FAM184A: variants seen among roughly 807,000 people sequenced by gnomAD.
FAM184A encodes protein FAM184A.
A neutral mutation model predicts 143.8 loss-of-function variants in FAM184A; 99 were observed. The ratio of observed to expected loss-of-function variants is 0.69; its 90% confidence interval spans 0.58 to 0.81. The LOEUF is 0.81. Among genes scored for constraint, FAM184A ranks in the 40% least tolerant of loss-of-function variants. The pLI is 0.00. For missense variants in FAM184A, 1,217 were observed against 1,310.5 expected (o/e 0.93, Z 1.10); for synonymous variants, 427 against 446.4 (o/e 0.96, Z 0.55).
Position 119,026,366 on chromosome 6 carries a change from C to G in FAM184A, c.160-1553G>C, listed in dbSNP as rs191534644. 9.3e-4 allele frequency among the ~76,000 whole-genome samples: 142 copies of G among 152,208 alleles called. 3 individuals are homozygous for G. In the East Asian group the frequency reaches 0.026, roughly 28 times the overall value. ...TTACTCATAAAGGTAGCTTATAAGC[C>G]AAGAAAGCTGACTGACTTCCTATTC... On this transcript the variant is annotated intron_variant, in intron 1 of 17. Coordinates refer to ENST00000338891, the MANE Select transcript of FAM184A (RefSeq NM_024581.6).
chr6:119,092,618 A>G (rs1788400858), intron 1 of FAM184A, among the ~76,000 whole-genome samples: 2 of 152,138 alleles, frequency 1.3e-5, no homozygotes, highest in East Asian at 3.9e-4. Context: ...CAGATCCTGT[A>G]TCTAACAGCC....
chr6:118,993,310 G>A (rs898759201), intron 9 of FAM184A, among the ~76,000 whole-genome samples: 1 of 152,194 alleles, frequency 6.6e-6, no homozygotes, highest in Non-Finnish European at 1.5e-5. Context: ...GTTGAGATAA[G>A]TGAGGAAGAA....
intron 1 of FAM184A, among the ~76,000 whole-genome samples, chr6:119,030,569 T>C (rs1241034092): frequency 2.0e-5 from 3 of 152,014 alleles, no homozygotes. Flanking sequence ...AGCAGCACCA[T>C]TGATATAAGA....
chr6:119,000,131 A>T (rs1430778802), intron 9 of FAM184A, among the ~76,000 whole-genome samples: 1 of 152,190 alleles, frequency 6.6e-6, no homozygotes, highest in Non-Finnish European at 1.5e-5. Flanking sequence ...TTTCAGTCCA[A>T]TGCTTTAAGG....
At chr6:118,989,446 G>T (rs1005016886) in intron 9 of FAM184A, among the ~76,000 whole-genome samples, 2 of 118,638 alleles carry the variant, frequency 1.7e-5, no homozygotes, top group East Asian at 3.9e-4. Context: ...TTTTCAGAAA[G>T]AATGCAATTT....
At chr6:119,117,624 A>G (rs1789094423) in intron 1 of FAM184A, among the ~76,000 whole-genome samples, 1 of 152,194 alleles carries the variant, frequency 6.6e-6, no homozygotes, top group African/African-American at 2.4e-5. Context: ...TTCACGGTTT[A>G]TGAAGTACTT....
chr6:118,974,742 A>T (rs904477587), intron 13 of FAM184A, among the ~76,000 whole-genome samples, 168 bp from the exon 14 acceptor site: 1 of 152,204 alleles, frequency 6.6e-6, no homozygotes, highest in Non-Finnish European at 1.5e-5. Context: ...TGGCTTTGTT[A>T]AAGTTGTCTC....
intron 1 of FAM184A, among the ~76,000 whole-genome samples, chr6:119,127,141 G>A (rs1789389739): frequency 6.6e-6 from 1 of 152,210 alleles, no homozygotes; most frequent in African/African-American, 2.4e-5. Flanking sequence ...TTTGGGCTGT[G>A]GTTCCAGGCT....
At chr6:119,009,037 G>C (rs1277897286) in intron 6 of FAM184A, among the ~76,000 whole-genome samples, 3 of 152,118 alleles carry the variant, frequency 2.0e-5, no homozygotes, top group African/African-American at 7.2e-5. Flanking sequence ...TACCTGAAAT[G>C]GAATTCTGGC....
intron 1 of FAM184A, among the ~76,000 whole-genome samples, chr6:119,036,477 GA>G (rs1786118705): frequency 6.6e-6 from 1 of 151,982 alleles, no homozygotes; most frequent in South Asian, 2.1e-4. Flanking sequence ...TTATTGCTGG[GA>G]AATCTTTTGG....
rs115858136 is a variant in FAM184A at position 118,964,637 on chromosome 6, T to A, written c.3138+30A>T. On this transcript the variant is annotated intron_variant, in intron 16 of 17. Transcript: ENST00000338891. ...ATTTTTAACCAACTTTTAAACCACA[T>A]TCCTATTCTACAGTGTTTACGGCAC... 6.4e-6 allele frequency: 8 copies of A among 1,257,958 alleles called. No homozygotes were observed. The South Asian group carries it at 1.1e-4, about 17-fold the overall frequency. The allele number at this position is 1,257,958 out of a possible 1,614,324, so 77.9% of individuals were successfully genotyped here.
chr6:119,024,269 TCAAG>T lies in FAM184A; in HGVS notation c.700_703del (p.Leu234ArgfsTer3). 6.2e-7 allele frequency: 1 copy of T among 1,614,200 alleles called. No homozygotes were observed. Among genetic ancestry groups the T allele is most frequent in the Non-Finnish European group, 8.5e-7 (1 of 1,180,028 alleles). On this transcript the variant is annotated frameshift_variant, in exon 2 of 18. Coordinates refer to ENST00000338891, the MANE Select transcript of FAM184A (RefSeq NM_024581.6). LOFTEE classifies it high-confidence loss of function. ...TTTCTTCCGTTCAAGTCTTAGCTCC[TCAAG>T]CATTTTGTTTAGGGACTCCACCTCC...
intron 16 of FAM184A, chr6:118,962,693 TTTAAAA>T (rs1395266659): frequency 1.3e-5 from 2 of 152,184 alleles, no homozygotes; most frequent in African/African-American, 4.8e-5. Flanking sequence ...TTAATGTGTC[TTTAAAA>T]TTAAGAGATA....
At chr6:118,999,427 C>G (rs1784680697) in intron 9 of FAM184A, among the ~76,000 whole-genome samples, 1 of 152,108 alleles carries the variant, frequency 6.6e-6, no homozygotes, top group African/African-American at 2.4e-5. Flanking sequence ...CAAGGTTTTC[C>G]ACAATAACCT....
At chr6:119,045,549 T>G (rs1392259282) in intron 1 of FAM184A, among the ~76,000 whole-genome samples, 2 of 152,162 alleles carry the variant, frequency 1.3e-5, no homozygotes, top group Admixed American at 1.3e-4. Flanking sequence ...CAGCAGATTT[T>G]TCTTCTTGGT....
chr6:119,006,698 T>C, intron 6 of FAM184A, 90 bp from the exon 7 acceptor site: 3 of 1,098,730 alleles, frequency 2.7e-6, no homozygotes, highest in Non-Finnish European at 3.8e-6. Flanking sequence ...TTTTATTTAG[T>C]TGTAATTTTA....
At chr6:118,966,783 A>G (rs1014674177) in intron 15 of FAM184A, 52 bp downstream of exon 15, 2 of 821,932 alleles carry the variant, frequency 2.4e-6, no homozygotes, top group Non-Finnish European at 4.0e-6. Context: ...TATTTTCCCA[A>G]TCAATATCTA....
At chr6:119,002,534 G>A (rs1443903076) in intron 9 of FAM184A, among the ~76,000 whole-genome samples, 1 of 152,046 alleles carries the variant, frequency 6.6e-6, no homozygotes, top group Non-Finnish European at 1.5e-5. Flanking sequence ...AGGTAATCAT[G>A]ATACATATAA....
At chr6:118,971,860 C>CAGA (rs34381106) in intron 14 of FAM184A, among the ~76,000 whole-genome samples, 84,158 of 151,310 alleles carry the variant, frequency 0.56, 23,862 homozygotes, top group East Asian at 0.92. Flanking sequence ...GGGGCAGGAG[C>CAGA]AGAAGCAAGA....
Sources: gnomAD v4.1 joint callset for allele counts (sites outside exome capture counted in the v4.1 genomes callset) on GRCh38, gnomAD v4.1.1 for gene constraint, MANE v1.5 for transcripts, NCBI Gene and HGNC (gene_info 2026-07-23, HGNC 2026-07-21) for gene names.